GALNTL6: variants seen among roughly 807,000 people sequenced by gnomAD.
GALNTL6 encodes polypeptide N-acetylgalactosaminyltransferase-like 6.
GALNTL6 carries 46 observed loss-of-function variants against 73.7 expected under a neutral mutation model. That is an observed-to-expected ratio of 0.62 (90% CI 0.49 to 0.80). The LOEUF (loss-of-function observed/expected upper bound fraction) is 0.80, where lower values mean the gene tolerates loss of function less well. GALNTL6 is among the 30% of genes least tolerant of loss of function. The pLI is 0.00. For synonymous variants in GALNTL6, 259 were observed against 263.7 expected, an observed-to-expected ratio of 0.98 and a Z score of 0.17; for missense variants, 604 against 755.0, an observed-to-expected ratio of 0.80 and a Z score of 2.34.
At chr4:171,926,168 G>T (rs951869621) in intron 2 of GALNTL6, among the ~76,000 whole-genome samples, 1 of 151,738 alleles carries the variant, frequency 6.6e-6, no homozygotes, top group Non-Finnish European at 1.5e-5. Context: ...TGCTTAAATT[G>T]CTACAAATAA....
intron 9 of GALNTL6, among the ~76,000 whole-genome samples, chr4:172,939,017 C>A (rs529234286): frequency 5.8e-4 from 89 of 152,316 alleles, no homozygotes; most frequent in Non-Finnish European, 1.2e-3. Flanking sequence ...AAATATAATA[C>A]CTCAGGACAG....
chr4:172,179,009 T>G (rs1482806288), intron 2 of GALNTL6, among the ~76,000 whole-genome samples: 2 of 133,214 alleles, frequency 1.5e-5, no homozygotes, highest in African/African-American at 6.0e-5. Context: ...GGCTGCATAG[T>G]ATTCCATGGT....
chr4:171,941,053 C>T (rs1194204553), intron 2 of GALNTL6, among the ~76,000 whole-genome samples: 1 of 151,918 alleles, frequency 6.6e-6, no homozygotes, highest in African/African-American at 2.4e-5. Context: ...AATCTACAGT[C>T]ACTTCAGGAT....
At position 172,677,768 on chromosome 4, in the gene GALNTL6, T is replaced by C. The variant is rs73869582; in HGVS notation, c.554-131593T>C. 5.7e-3 allele frequency among the ~76,000 whole-genome samples: 820 copies of C among 143,332 alleles called. 8 individuals carry two copies. Among genetic ancestry groups the C allele is most frequent in the African/African-American group, 0.018 (717 of 38,940 alleles). 94.0% of individuals were successfully genotyped at this position (143,332 alleles called of 152,430 possible). The stretch of plus-strand genomic sequence containing the variant: ...TGAGACCCCCATCTCTACAAAAAAT[T>C]AAAAAAAAAAGAATTGTTGAAAAAC... On this transcript the variant is annotated intron_variant, in intron 5 of 12. Coordinates refer to ENST00000506823, the MANE Select transcript of GALNTL6 (RefSeq NM_001034845.3).
intron 5 of GALNTL6, among the ~76,000 whole-genome samples, chr4:172,451,210 A>G (rs868742866): frequency 1.3e-5 from 2 of 152,190 alleles, no homozygotes; most frequent in Non-Finnish European, 2.9e-5. Flanking sequence ...AGTCATCTAG[A>G]TATTGTCTTC....
At position 172,780,177 on chromosome 4, in the gene GALNTL6, CA is replaced by C. The variant is rs554814268; in HGVS notation, c.554-29181del. Among the ~76,000 whole-genome samples the C allele has an allele frequency of 5.3e-5, 8 of 151,744 alleles. No individual in the cohort carries two copies. In the South Asian group the frequency reaches 1.7e-3, roughly 32 times the overall value. On this transcript the variant is annotated intron_variant, in intron 5 of 12. Transcript: ENST00000506823. ...GTGAAGCTCTGGAAAAAAGAAACATCAAATCTTAAAAATTAGAATCTTTTCC... is the reference window on the plus strand; with the variant it reads ...GTGAAGCTCTGGAAAAAAGAAACATCAATCTTAAAAATTAGAATCTTTTCC...
chr4:172,030,906 G>A (rs1040315160), intron 2 of GALNTL6, among the ~76,000 whole-genome samples: 15 of 151,486 alleles, frequency 9.9e-5, no homozygotes, highest in Admixed American at 3.3e-4. Flanking sequence ...AAATAAACTC[G>A]CAGTCTTAAA....
At chr4:172,107,141 G>A (rs1301161634) in intron 2 of GALNTL6, among the ~76,000 whole-genome samples, 1 of 152,174 alleles carries the variant, frequency 6.6e-6, no homozygotes, top group African/African-American at 2.4e-5. Flanking sequence ...CCAAAGTGCT[G>A]GGATTACAGG....
intron 7 of GALNTL6, among the ~76,000 whole-genome samples, chr4:172,818,900 A>G (rs1232549631): frequency 2.0e-5 from 3 of 152,170 alleles, no homozygotes; most frequent in African/African-American, 4.8e-5. Flanking sequence ...CTTGGCCACA[A>G]TCATCCATTT....
chr4:171,882,373 G>A (rs1181290680), intron 2 of GALNTL6, among the ~76,000 whole-genome samples: 1 of 152,194 alleles, frequency 6.6e-6, no homozygotes, highest in Admixed American at 6.5e-5. Context: ...GGGTTCTCTA[G>A]AGGAACAGAA....
At chr4:172,864,203 C>T (rs1561000442) in intron 7 of GALNTL6, among the ~76,000 whole-genome samples, 1 of 152,168 alleles carries the variant, frequency 6.6e-6, no homozygotes, top group Non-Finnish European at 1.5e-5. Context: ...ACTAATACAC[C>T]TACCAACAAG....
intron 2 of GALNTL6, among the ~76,000 whole-genome samples, chr4:172,151,873 A>C (rs2110762938): frequency 6.6e-6 from 1 of 150,704 alleles, no homozygotes; most frequent in East Asian, 1.9e-4. Context: ...TTCCATATAT[A>C]TATATTTTAT....
chr4:172,572,683 C>T (rs1736808209), intron 5 of GALNTL6, among the ~76,000 whole-genome samples: 1 of 152,164 alleles, frequency 6.6e-6, no homozygotes, highest in South Asian at 2.1e-4. Flanking sequence ...TGACCTATTA[C>T]TTTCTGTGCC....
At chr4:172,443,445 C>T (rs1433670540) in intron 5 of GALNTL6, among the ~76,000 whole-genome samples, 11 of 151,750 alleles carry the variant, frequency 7.2e-5, no homozygotes, top group East Asian at 3.9e-4. Flanking sequence ...GGATTGCAGG[C>T]GTGAGCCACT....
intron 2 of GALNTL6, among the ~76,000 whole-genome samples, chr4:171,903,855 A>C (rs1204161559): frequency 1.3e-5 from 2 of 152,170 alleles, no homozygotes; most frequent in African/African-American, 4.8e-5. Flanking sequence ...TGAGCAGCCT[A>C]ACTGGCAGGC....
chr4:172,433,765 A>T (rs935117615), intron 5 of GALNTL6, among the ~76,000 whole-genome samples: 2 of 152,090 alleles, frequency 1.3e-5, no homozygotes, highest in Non-Finnish European at 2.9e-5. Context: ...ACCCAGCAGA[A>T]GATGGAGTCC....
chr4:172,150,210 G>A (rs1458367647), intron 2 of GALNTL6, among the ~76,000 whole-genome samples: 1 of 152,144 alleles, frequency 6.6e-6, no homozygotes, highest in Non-Finnish European at 1.5e-5. Flanking sequence ...TTTTTGAAGA[G>A]ACATAGTGCC....
chr4:172,523,679 A>C (rs79989509), intron 5 of GALNTL6, among the ~76,000 whole-genome samples: 41 of 152,032 alleles, frequency 2.7e-4, no homozygotes, highest in Non-Finnish European at 5.6e-4. Flanking sequence ...TTATTGCATT[A>C]TTTGTCTTTT....
At chr4:172,611,985 AT>A (rs1560835414) in intron 5 of GALNTL6, among the ~76,000 whole-genome samples, 1 of 152,132 alleles carries the variant, frequency 6.6e-6, no homozygotes, top group African/African-American at 2.4e-5. Context: ...CAACAGAGCT[AT>A]TTTGGTAAAA....
Sources: allele counts gnomAD v4.1 joint callset (sites outside exome capture counted in the v4.1 genomes callset), GRCh38; gene constraint gnomAD v4.1.1; transcripts MANE v1.5; gene names NCBI Gene and HGNC (gene_info 2026-07-23, HGNC 2026-07-21).